The following PRSS48 variants were observed in gnomAD, a reference collection of about 807,000 sequenced individuals.
PRSS48 encodes the protein serine protease 48, also known as epidermis-specific serine protease-like protein.
In PRSS48, 21 loss-of-function variants were observed where a neutral mutation model predicts 25.6. The ratio of observed to expected loss-of-function variants is 0.82; its 90% CI spans 0.58 to 1.18. The LOEUF (loss-of-function observed/expected upper bound fraction) is 1.18. Ranked by LOEUF, PRSS48 falls within the 50% of genes most tolerant of loss-of-function variation. The probability of loss-of-function intolerance (pLI) is 0.00; values close to 1 mark genes in which losing one functional copy is unlikely to be tolerated. For missense variants in PRSS48, 373 were observed against 399.3 expected (o/e 0.93, Z 0.56); for synonymous variants, 150 against 149.3 (o/e 1.00, Z -0.04).
At position 151,283,111 on chromosome 4, in the gene PRSS48, C is replaced by T. The variant is rs761827433; in HGVS notation, c.482-6C>T. 5.0e-6 allele frequency: 8 copies of T among 1,613,372 alleles called. No homozygotes were observed. Among genetic ancestry groups the T allele is most frequent in the Non-Finnish European group, 5.1e-6 (6 of 1,179,544 alleles). On this transcript the variant is annotated splice_region_variant and splice_polypyrimidine_tract_variant and intron_variant, in intron 3 of 4. Coordinates refer to ENST00000455694, the Ensembl canonical transcript of PRSS48. Reference sequence around the variant, plus strand: ...TTTAATCTTTTGTTCCTGTCTTCCTCCACAGATAGAGATTACCATTCTGCC... The same window carrying T: ...TTTAATCTTTTGTTCCTGTCTTCCTTCACAGATAGAGATTACCATTCTGCC...
chr4:151,284,523 G>C (rs1244918154), intron 4 of PRSS48, among the ~76,000 whole-genome samples: 1 of 152,062 alleles, frequency 6.6e-6, no homozygotes, highest in Admixed American at 6.5e-5. Context: ...TATAATAGTT[G>C]CTTTAAATCC....
exon 3 of PRSS48, chr4:151,282,279 C>T (rs1213676684): frequency 6.2e-7 from 1 of 1,613,992 alleles, no homozygotes; most frequent in South Asian, 1.1e-5. Flanking sequence ...GCAGACGTCG[C>T]CTTGTTGAAA....
intron 1 of PRSS48, among the ~76,000 whole-genome samples, chr4:151,278,401 G>A (rs6810411): frequency 0.02 from 2,739 of 134,852 alleles, 84 homozygotes; most frequent in African/African-American, 0.065. Flanking sequence ...CCTAGTAGCT[G>A]GGACTACAGG....
chr4:151,283,861 A>G (rs76631233), intron 4 of PRSS48, among the ~76,000 whole-genome samples: 1 of 152,174 alleles, frequency 6.6e-6, no homozygotes, highest in Non-Finnish European at 1.5e-5. Context: ...AATTTTTTCA[A>G]GTAAGAACAT....
intron 4 of PRSS48, among the ~76,000 whole-genome samples, chr4:151,288,083 TA>T (rs890229581): frequency 6.1e-5 from 9 of 147,310 alleles, no homozygotes; most frequent in African/African-American, 1.2e-4. Flanking sequence ...CGCTTCACGT[TA>T]AAAAAAAAAC....
In PRSS48 at chr4:151,282,145, T is replaced by C. The variant is rs764268744; in HGVS notation, c.216-3T>C. 5.6e-6 allele frequency: 9 copies of C among 1,613,070 alleles called. No homozygotes were observed. Among genetic ancestry groups the C allele is most frequent in the African/African-American group, 4.0e-5 (3 of 74,926 alleles). ...AAGCAGGCCTCCTTTCTTTTCCCCA[T>C]AGGACCTGGACTACTTTTTCATATA... On this transcript the variant is annotated splice_polypyrimidine_tract_variant and splice_region_variant and intron_variant, in intron 2 of 4. Transcript: ENST00000455694.
chr4:151,286,453 T>C (rs1774796409), intron 4 of PRSS48, among the ~76,000 whole-genome samples: 1 of 151,542 alleles, frequency 6.6e-6, no homozygotes, highest in Non-Finnish European at 1.5e-5. Context: ...TGTAACACAC[T>C]ACTATGAATA....
intron 4 of PRSS48, among the ~76,000 whole-genome samples, chr4:151,288,647 C>T (rs1004054719): frequency 3.3e-5 from 5 of 149,342 alleles, no homozygotes; most frequent in South Asian, 2.2e-4. Context: ...CCAGCCTGGG[C>T]GGGGCAACGA....
At chr4:151,286,184 G>GAAAATAAAAAA (rs1774747087) in intron 4 of PRSS48, among the ~76,000 whole-genome samples, 1 of 86,628 alleles carries the variant, frequency 1.2e-5, no homozygotes, top group Non-Finnish European at 2.0e-5. Flanking sequence ...CTGTCTTAAA[G>GAAAATAAAAAA]AAAAAAAAAA....
intron 4 of PRSS48, among the ~76,000 whole-genome samples, chr4:151,286,782 C>T (rs927209557): frequency 8.6e-5 from 13 of 151,518 alleles, no homozygotes; most frequent in African/African-American, 2.7e-4. Context: ...GAGTTCGAGA[C>T]GAGCCTAGCA....
exon 5 of PRSS48, chr4:151,291,381 T>C (rs773560623): frequency 5.1e-5 from 83 of 1,613,926 alleles, no homozygotes; most frequent in Non-Finnish European, 6.9e-5. Context: ...GAGTAGGCAC[T>C]GTAGCTGAAG....
At chr4:151,291,522 T>A (rs1206222725), downstream of PRSS48, 19 of 1,189,482 alleles carry the variant, frequency 1.6e-5, no homozygotes, top group Non-Finnish European at 2.2e-5. Context: ...GTTTTTAAGG[T>A]TTTTGATTTT....
chr4:151,277,257 G>A, intron 1 of PRSS48, 33 bp downstream of exon 1: 1 of 1,460,168 alleles, frequency 6.8e-7, no homozygotes, highest in Non-Finnish European at 9.1e-7. Context: ...GAAGGCAGAG[G>A]CAGAGGATTT....
exon 4 of PRSS48, chr4:151,283,215 G>A: frequency 6.2e-7 from 1 of 1,613,862 alleles, no homozygotes; most frequent in Non-Finnish European, 8.5e-7. Flanking sequence ...CTTCTTGCCA[G>A]CACTGGAGCC....
At chr4:151,290,073 G>C (rs1313886868) in intron 4 of PRSS48, among the ~76,000 whole-genome samples, 1 of 152,188 alleles carries the variant, frequency 6.6e-6, no homozygotes, top group African/African-American at 2.4e-5. Flanking sequence ...AGCTTCCCGA[G>C]TGGTTGGGAT....
At chr4:151,281,282 C>T (rs1774198655) in intron 2 of PRSS48, among the ~76,000 whole-genome samples, 1 of 152,116 alleles carries the variant, frequency 6.6e-6, no homozygotes, top group Non-Finnish European at 1.5e-5. Context: ...AAACAAAAAA[C>T]CAAAGTGAGC....
exon 4 of PRSS48, chr4:151,283,128 C>A: frequency 6.2e-7 from 1 of 1,613,674 alleles, no homozygotes; most frequent in African/African-American, 1.3e-5. Context: ...TAGAGATTAC[C>A]ATTCTGCCCT....
At chr4:151,291,830 G>A (rs1484273953), downstream of PRSS48, among the ~76,000 whole-genome samples, 1 of 152,104 alleles carries the variant, frequency 6.6e-6, no homozygotes, top group East Asian at 1.9e-4. Flanking sequence ...TGCATCATGG[G>A]ATTTTAGTCT....
rs745801696 is a variant in PRSS48 at position 151,277,230 on chromosome 4, C to T, written c.52+6C>T. ...CCTTCTGCTGGGGATCTCAGGTGAGCGCCAGGGTGGGGTTGAGAAGGCAGA... is the reference window on the plus strand; with the variant it reads ...CCTTCTGCTGGGGATCTCAGGTGAGTGCCAGGGTGGGGTTGAGAAGGCAGA... On this transcript the variant is annotated splice_donor_region_variant and intron_variant, in intron 1 of 4. Coordinates refer to ENST00000455694, the Ensembl canonical transcript of PRSS48. The T allele has an allele frequency of 7.3e-6, 11 of 1,500,456 alleles. No homozygotes were observed. Among genetic ancestry groups the T allele is most frequent in the East Asian group, 5.0e-5 (2 of 40,344 alleles). The allele number at this position is 1,500,456 out of a possible 1,614,324, so 92.9% of individuals were successfully genotyped here. A position where few individuals can be genotyped will look rare whatever the true frequency, so the allele number is the denominator to read the frequency against.
Sources: gnomAD v4.1 joint callset for allele counts (sites outside exome capture counted in the v4.1 genomes callset) on GRCh38, gnomAD v4.1.1 for gene constraint, MANE v1.5 for transcripts, NCBI Gene and HGNC (gene_info 2026-07-23, HGNC 2026-07-21) for gene names.